SMARCAD1: variants seen among roughly 807,000 people sequenced by gnomAD.
SMARCAD1 encodes SNF2 related chromatin remodeling ATPase with DExD box 1.
A neutral mutation model predicts 127.1 loss-of-function variants in SMARCAD1; 25 were observed. The observed-to-expected ratio is 0.20, with a 90% CI of 0.14 to 0.27. The LOEUF (loss-of-function observed/expected upper bound fraction) is 0.27. SMARCAD1 is among the 10% of genes least tolerant of loss of function. SMARCAD1 has a pLI of 1.00. For missense variants in SMARCAD1, 807 were observed against 1,206.0 expected (o/e 0.67, Z 4.90); for synonymous variants, 400 against 396.9 (o/e 1.01, Z -0.09).
chr4:94,287,557 T>C (rs969461800), intron 23 of SMARCAD1, among the ~76,000 whole-genome samples: 5 of 152,118 alleles, frequency 3.3e-5, no homozygotes, highest in Admixed American at 1.3e-4. Context: ...TCCTAAGAAA[T>C]TGGCAATTTG....
rs1157456159 is a variant in SMARCAD1, at chr4:94,281,161, A to G, written c.2608-311A>G. On this transcript the variant is annotated intron_variant, in intron 20 of 23. Transcript: ENST00000354268. ...TTTGTAAAATCACAGTCCAGATAAT[A>G]CATACATAAGCAGTTGTCCACATTT... 2.0e-5 allele frequency among the ~76,000 whole-genome samples: 3 copies of G among 152,218 alleles called. No individual in the cohort carries two copies. In the East Asian group the frequency reaches 5.8e-4, roughly 29 times the overall value.
In SMARCAD1 at chr4:94,290,663, G is replaced by A. The variant is rs1755564253; in HGVS notation, c.*1129G>A. On this transcript the variant is annotated 3_prime_UTR_variant, in exon 24 of 24. Transcript: ENST00000354268. ...AATTTAGAAGTGAAGTTGTCTATTT[G>A]ATATTTAACTCTTTATTAAATCTTT... The A allele has an allele frequency of 6.6e-6, 3 of 452,532 alleles. No homozygotes were observed. The highest frequency in any genetic ancestry group is 1.3e-5 in the Non-Finnish European group (3 of 226,250). The allele number at this position is 452,532 out of a possible 1,614,324, so 28.0% of individuals were successfully genotyped here. A position where few individuals can be genotyped will look rare whatever the true frequency, so the allele number is the denominator to read the frequency against.
rs201412452 is a variant in SMARCAD1 at position 94,252,726 on chromosome 4, A to G, written c.1000A>G (p.Met334Val). 1.1e-5 allele frequency: 18 copies of G among 1,596,202 alleles called. No homozygotes were observed. Among genetic ancestry groups the G allele is most frequent in the Admixed American group, 7.1e-5 (4 of 56,648 alleles). ...AACAAAACTAAAACAGAAATTTTCA[A>G]TGAAAGCACAAAATGGCTTTAACAA... ...TKTKLKQKFS[M>V]KAQNGFNKKR... The change falls in exon 9 of 24, where the codon ATG becomes GTG. Residue 334 changes from methionine to valine, a missense_variant. By Grantham distance (21) the Met-to-Val change is conservative. Coordinates refer to ENST00000354268, the MANE Select transcript of SMARCAD1 (RefSeq NM_020159.5).
At chr4:94,249,315 C>A (rs1281376254) in intron 6 of SMARCAD1, among the ~76,000 whole-genome samples, 1 of 151,892 alleles carries the variant, frequency 6.6e-6, no homozygotes, top group African/African-American at 2.4e-5. Context: ...TTAAAATTTA[C>A]CGTTGTCTTG....
chr4:94,279,429 T>G (rs1753716259), intron 19 of SMARCAD1, among the ~76,000 whole-genome samples: 1 of 152,174 alleles, frequency 6.6e-6, no homozygotes, highest in South Asian at 2.1e-4. Context: ...CATCAGTCAC[T>G]GCACTGAAAC....
intron 22 of SMARCAD1, among the ~76,000 whole-genome samples, chr4:94,284,321 C>T (rs1262769083): frequency 8.9e-5 from 7 of 78,976 alleles, no homozygotes; most frequent in African/African-American, 5.7e-5. Context: ...AGCAAGACTC[C>T]GTCTCAAAAA....
At chr4:94,235,600 C>A (rs1026765767) in intron 4 of SMARCAD1, among the ~76,000 whole-genome samples, 5 of 149,054 alleles carry the variant, frequency 3.4e-5, no homozygotes, top group African/African-American at 1.2e-4. Flanking sequence ...CTTGAGTCTA[C>A]ATTTTCTCTG....
At position 94,258,249 on chromosome 4, in the gene SMARCAD1, C is replaced by T. The variant is rs1460995314; in HGVS notation, c.1281+5242C>T. On this transcript the variant is annotated intron_variant, in intron 9 of 23. Transcript: ENST00000354268. ...AGCTCACTGCAATCTCTGCCTCCCA[C>T]GTATAAGCGATTCTCCTGCCTCACC... 8.6e-5 allele frequency among the ~76,000 whole-genome samples: 13 copies of T among 151,714 alleles called. No homozygotes were observed. In the South Asian group the frequency reaches 2.1e-3, roughly 24 times the overall value.
chr4:94,276,592 G>T, intron 15 of SMARCAD1, 118 bp downstream of exon 15: 1 of 1,293,758 alleles, frequency 7.7e-7, no homozygotes, highest in Non-Finnish European at 1.1e-6. Flanking sequence ...GTAGTATTCT[G>T]TGTTAGCAAG....
Position 94,207,874 on chromosome 4 carries a change from TC to T in SMARCAD1, c.-244del. 1 of 335,564 alleles carries T rather than the reference TC, an allele frequency of 3.0e-6. No homozygotes were observed. The highest frequency in any genetic ancestry group is 5.8e-6 in the Non-Finnish European group (1 of 171,802). 20.8% of individuals were successfully genotyped at this position (335,564 alleles called of 1,614,324 possible). On this transcript the variant is annotated 5_prime_UTR_variant, in exon 1 of 24. Coordinates refer to ENST00000354268, the MANE Select transcript of SMARCAD1 (RefSeq NM_020159.5). The stretch of plus-strand genomic sequence containing the variant: ...CAGCTGGGATCGCGCCGCGTCAACT[TC>T]CGGGCGGATGCCCGCCAGCACGGCC...
Position 94,274,721 on chromosome 4 carries a change from T to C in SMARCAD1, c.1673-17T>C. On this transcript the variant is annotated splice_polypyrimidine_tract_variant and intron_variant, in intron 12 of 23. Transcript: ENST00000354268. ...CCTATTGTAGCAGATGCAAATAATG[T>C]CTCTTCTGTTCCATAGATAACTGGT... The C allele has an allele frequency of 1.2e-6, 2 of 1,611,426 alleles. No homozygotes were observed. The highest frequency in any genetic ancestry group is 1.7e-6 in the Non-Finnish European group (2 of 1,177,548).
chr4:94,272,809 C>A (rs538415718), intron 11 of SMARCAD1, among the ~76,000 whole-genome samples: 1 of 151,364 alleles, frequency 6.6e-6, no homozygotes, highest in South Asian at 2.1e-4. Flanking sequence ...TTTTTTCTTT[C>A]TTTCCTTTTT....
intron 18 of SMARCAD1, 73 bp downstream of exon 18, chr4:94,278,806 A>G (rs1753639333): frequency 1.2e-6 from 2 of 1,600,024 alleles, no homozygotes; most frequent in East Asian, 2.2e-5. Context: ...TAGTCATATA[A>G]TGGGATTTGT....
At chr4:94,275,009 C>A (rs1298625329) in intron 14 of SMARCAD1, 44 bp downstream of exon 14, 1 of 1,364,278 alleles carries the variant, frequency 7.3e-7, no homozygotes, top group Non-Finnish European at 1.0e-6. Flanking sequence ...TTATGCAGCC[C>A]CCAAATTTAA....
intron 2 of SMARCAD1, chr4:94,213,279 T>C (rs1208809435): frequency 2.8e-6 from 1 of 363,020 alleles, no homozygotes; most frequent in South Asian, 2.5e-5. Flanking sequence ...CAGGGGAGGA[T>C]CACAAAAAGT....
At chr4:94,235,561 C>A (rs1410679749) in intron 4 of SMARCAD1, among the ~76,000 whole-genome samples, 3 of 151,110 alleles carry the variant, frequency 2.0e-5, no homozygotes, top group African/African-American at 7.3e-5. Flanking sequence ...TACCATCTTA[C>A]TATTAGCTAA....
At chr4:94,277,649 T>C (rs1334230130) in intron 16 of SMARCAD1, among the ~76,000 whole-genome samples, 1 of 152,214 alleles carries the variant, frequency 6.6e-6, no homozygotes, top group Non-Finnish European at 1.5e-5. Flanking sequence ...AAAAGTTTTG[T>C]TACTTCTTTA....
intron 6 of SMARCAD1, among the ~76,000 whole-genome samples, chr4:94,245,914 T>C (rs1487774805): frequency 6.6e-6 from 1 of 152,200 alleles, no homozygotes; most frequent in Non-Finnish European, 1.5e-5. Flanking sequence ...GAGGACATGA[T>C]GACCTTTCTT....
rs184986681 is a variant in SMARCAD1 at position 94,262,405 on chromosome 4, C to G, written c.1282-2302C>G. Among the ~76,000 whole-genome samples the G allele has an allele frequency of 3.5e-4, 54 of 152,314 alleles. 1 individual carries two copies. Among genetic ancestry groups the G allele is most frequent in the Non-Finnish European group, 8.8e-5 (6 of 68,032 alleles). On this transcript the variant is annotated intron_variant, in intron 9 of 23. Transcript: ENST00000354268. The stretch of plus-strand genomic sequence containing the variant: ...ACCTCCTGAAGATCGTGAATCTTAT[C>G]AGTTTCTCCGTGTCCAACACAGACC...
Sources: gnomAD v4.1 joint callset for allele counts (sites outside exome capture counted in the v4.1 genomes callset) on GRCh38, gnomAD v4.1.1 for gene constraint, MANE v1.5 for transcripts, NCBI Gene and HGNC (gene_info 2026-07-23, HGNC 2026-07-21) for gene names.